Variants in L3MBTL4 observed in about 807,000 individuals in gnomAD.
The protein encoded by L3MBTL4 is lethal(3)malignant brain tumor-like protein 4.
In L3MBTL4, 70 loss-of-function variants were observed where a neutral mutation model predicts 84.5. The ratio of observed to expected loss-of-function variants is 0.83; its 90% confidence interval spans 0.68 to 1.01. The LOEUF (loss-of-function observed/expected upper bound fraction) is 1.01. Ranked by LOEUF, L3MBTL4 falls within the 50% of genes least tolerant of loss-of-function variation. The probability of loss-of-function intolerance (pLI) is 0.00; values close to 1 mark genes in which losing one functional copy is unlikely to be tolerated. For synonymous variants in L3MBTL4, 274 were observed against 259.8 expected, an observed-to-expected ratio of 1.05 and a Z score of -0.52; for missense variants, 715 against 754.8, an observed-to-expected ratio of 0.95 and a Z score of 0.62.
In L3MBTL4 at chr18:5,969,525, C is replaced by T. The variant is rs775594346; in HGVS notation, c.1482G>A (p.Gln494=). The part of the protein sequence containing the change: ...SVEQAQQVLH[Q]SVSMSTVSAH... ...CTGACACCGTGGACATGGACACTGA[C>T]TGGTGAAGCACCTGCTGCGCCTGCT... is the stretch of plus-strand genomic sequence containing the variant. The change falls in exon 17 of 19, where the codon CAG becomes CAA. Residue 494 remains glutamine (Q), a synonymous_variant. Coordinates refer to ENST00000317931, the MANE Select transcript of L3MBTL4 (RefSeq NM_001330559.2). 1.9e-6 allele frequency: 3 copies of T among 1,612,804 alleles called. No individual in the cohort carries two copies. Among genetic ancestry groups the T allele is most frequent in the South Asian group, 1.1e-5 (1 of 90,840 alleles).
At chr18:6,252,922 G>A (rs1331068661) in intron 5 of L3MBTL4, among the ~76,000 whole-genome samples, 1 of 152,176 alleles carries the variant, frequency 6.6e-6, no homozygotes, top group African/African-American at 2.4e-5. Flanking sequence ...AACCCCCTGG[G>A]GCCGGGTGCG....
intron 4 of L3MBTL4, among the ~76,000 whole-genome samples, chr18:6,277,066 C>G (rs527996386): frequency 1.4e-5 from 2 of 143,572 alleles, no homozygotes; most frequent in African/African-American, 5.2e-5. Context: ...CTTCCTTACC[C>G]TAGAGTGTTT....
chr18:6,188,638 G>T (rs1265097636), intron 12 of L3MBTL4, among the ~76,000 whole-genome samples: 5 of 152,184 alleles, frequency 3.3e-5, no homozygotes, highest in Admixed American at 1.3e-4. Flanking sequence ...GATCAAACCT[G>T]ACACAGGGGG....
intron 9 of L3MBTL4, among the ~76,000 whole-genome samples, chr18:6,238,309 G>A (rs772449014): frequency 9.9e-5 from 15 of 152,188 alleles, no homozygotes; most frequent in East Asian, 1.9e-4. Flanking sequence ...CGAGACAGGC[G>A]GATCATGAGG....
At chr18:6,317,525 G>A (rs1050445372) in intron 1 of L3MBTL4, among the ~76,000 whole-genome samples, 3 of 152,030 alleles carry the variant, frequency 2.0e-5, no homozygotes, top group Non-Finnish European at 4.4e-5. Context: ...CGAAGATAAG[G>A]CTTTTGTTCA....
rs1356993097 is a variant in L3MBTL4 at position 6,072,882 on chromosome 18, ATATATATATATAT to A, written c.1444+7986_1444+7998del. ...CTCCGTCTCAAAAAAAAAAAAAAAA[ATATATATATATAT>A]ATATATATATATATATATATATATA... is the stretch of plus-strand genomic sequence containing the variant. On this transcript the variant is annotated intron_variant, in intron 16 of 18. Transcript: ENST00000317931. Among the ~76,000 whole-genome samples the A allele has an allele frequency of 3.5e-3, 58 of 16,694 alleles. 8 individuals carry two copies. Among genetic ancestry groups the A allele is most frequent in the Middle Eastern group, 0.045 (1 of 22 alleles). The allele number at this position is 16,694 out of a possible 152,430, so 11.0% of individuals were successfully genotyped here. A position where few individuals can be genotyped will look rare whatever the true frequency, so the allele number is the denominator to read the frequency against.
At chr18:6,126,566 C>T (rs562246030) in intron 14 of L3MBTL4, among the ~76,000 whole-genome samples, 1 of 152,144 alleles carries the variant, frequency 6.6e-6, no homozygotes, top group African/African-American at 2.4e-5. Context: ...AATATAGTAC[C>T]TTTGGAAATC....
At chr18:6,057,186 G>A (rs748265081) in intron 16 of L3MBTL4, among the ~76,000 whole-genome samples, 4 of 151,922 alleles carry the variant, frequency 2.6e-5, no homozygotes, top group Admixed American at 6.6e-5. Flanking sequence ...ATGCCACCAC[G>A]CCCAGCTAAT....
intron 12 of L3MBTL4, among the ~76,000 whole-genome samples, chr18:6,172,831 C>T (rs974030348): frequency 2.0e-5 from 3 of 152,140 alleles, no homozygotes; most frequent in African/African-American, 7.2e-5. Context: ...GAGCAAGATG[C>T]CTAGTGCTGT....
intron 14 of L3MBTL4, among the ~76,000 whole-genome samples, chr18:6,120,702 A>G (rs2059495692): frequency 1.3e-5 from 2 of 152,080 alleles, no homozygotes. Flanking sequence ...CTGCTTTTGT[A>G]CCTTATATGA....
intron 16 of L3MBTL4, among the ~76,000 whole-genome samples, chr18:5,970,776 T>C (rs2052601203): frequency 6.6e-6 from 1 of 152,256 alleles, no homozygotes; most frequent in Non-Finnish European, 1.5e-5. Flanking sequence ...TATGCAAATA[T>C]TTCCACCTCA....
chr18:6,263,520 A>T (rs1195476079), intron 5 of L3MBTL4, among the ~76,000 whole-genome samples: 1 of 151,928 alleles, frequency 6.6e-6, no homozygotes, highest in African/African-American at 2.4e-5. Context: ...ATCTTGCTTG[A>T]CTCACCACTC....
chr18:6,078,820 A>G (rs1028032807), intron 16 of L3MBTL4, among the ~76,000 whole-genome samples: 7 of 152,192 alleles, frequency 4.6e-5, no homozygotes, highest in Non-Finnish European at 5.9e-5. Context: ...GTAACTCACC[A>G]TAATGTAGAA....
intron 17 of L3MBTL4, among the ~76,000 whole-genome samples, chr18:5,965,229 A>G (rs750644254): frequency 1.2e-4 from 18 of 152,196 alleles, no homozygotes; most frequent in Non-Finnish European, 2.2e-4. Context: ...TAAGAGAGAC[A>G]GCCATAGTAA....
intron 4 of L3MBTL4, 65 bp from the exon 5 acceptor site, chr18:6,264,103 T>G: frequency 8.2e-7 from 1 of 1,221,620 alleles, no homozygotes; most frequent in Non-Finnish European, 1.2e-6. Context: ...TAAAACTTAC[T>G]TGACAATAAA....
chr18:6,297,050 A>G (rs2050137095), intron 4 of L3MBTL4, among the ~76,000 whole-genome samples: 1 of 152,146 alleles, frequency 6.6e-6, no homozygotes, highest in Admixed American at 6.5e-5. Flanking sequence ...AAGAGCATGA[A>G]AGCTTCCATT....
chr18:6,232,871 T>C (rs985690164), intron 10 of L3MBTL4, among the ~76,000 whole-genome samples: 9 of 152,064 alleles, frequency 5.9e-5, no homozygotes, highest in African/African-American at 1.2e-4. Context: ...AACTAACATA[T>C]ATAATTTTTT....
intron 13 of L3MBTL4, among the ~76,000 whole-genome samples, chr18:6,145,363 T>G (rs1433145498): frequency 6.6e-6 from 1 of 152,164 alleles, no homozygotes; most frequent in Non-Finnish European, 1.5e-5. Flanking sequence ...TTCTCAGAAC[T>G]GTAATTTTAT....
chr18:6,085,886 AG>A (rs1290853702), intron 15 of L3MBTL4, among the ~76,000 whole-genome samples: 3 of 152,248 alleles, frequency 2.0e-5, no homozygotes, highest in African/African-American at 7.2e-5. Context: ...TAGTGACCTA[AG>A]CATGCAGCAT....
Sources: allele counts gnomAD v4.1 joint callset (sites outside exome capture counted in the v4.1 genomes callset), GRCh38; gene constraint gnomAD v4.1.1; transcripts MANE v1.5; gene names NCBI Gene and HGNC (gene_info 2026-07-23, HGNC 2026-07-21).